The following WDPCP variants were observed in gnomAD, a reference collection of about 807,000 sequenced individuals.
WDPCP encodes WD repeat-containing and planar cell polarity effector protein fritz homolog.
WDPCP carries 71 observed loss-of-function variants against 93.1 expected under a neutral mutation model. The observed-to-expected ratio is 0.76, with a 90% CI of 0.63 to 0.93. The LOEUF is 0.93. Among genes scored for constraint, WDPCP ranks in the 40% least tolerant of loss-of-function variants. The pLI is 0.00. For missense variants in WDPCP, 844 were observed against 887.4 expected (o/e 0.95, Z 0.62); for synonymous variants, 315 against 315.0 (o/e 1.00, Z 0.00).
At chr2:63,466,413 T>C (rs1237143518) in intron 6 of WDPCP, among the ~76,000 whole-genome samples, 1 of 152,172 alleles carries the variant, frequency 6.6e-6, no homozygotes, top group African/African-American at 2.4e-5. Flanking sequence ...ATATAAAACG[T>C]AATATTCTCA....
chr2:63,473,601 C>T (rs923738902), intron 6 of WDPCP, among the ~76,000 whole-genome samples: 4 of 152,166 alleles, frequency 2.6e-5, no homozygotes, highest in Non-Finnish European at 4.4e-5. Flanking sequence ...TCAGGAAAGC[C>T]TGTGGTCTGT....
chr2:63,508,936 G>A (rs1389019348), intron 1 of WDPCP, among the ~76,000 whole-genome samples: 1 of 152,190 alleles, frequency 6.6e-6, no homozygotes, highest in Non-Finnish European at 1.5e-5. Context: ...TATAAAGCAA[G>A]TTCTTAGAGA....
At chr2:63,208,433 T>C (rs1440678378) in intron 14 of WDPCP, among the ~76,000 whole-genome samples, 1 of 152,184 alleles carries the variant, frequency 6.6e-6, no homozygotes, top group Non-Finnish European at 1.5e-5. Flanking sequence ...CCCTTTAATT[T>C]CTACATTCTT....
In WDPCP at chr2:63,382,011, T is replaced by A. The variant is rs754985173; in HGVS notation, c.1519A>T (p.Ile507Phe). ...GTGTCCCAGTTCATGCTGCTCAGGA[T>A]GTTTATTGCCTCATAGATCTCATCA... ...HCDEIYEAIN[I>F]LSSMNWDTLG... is the part of the protein sequence containing the mutation. The change falls in exon 11 of 18, where the codon ATC (isoleucine) becomes TTC (phenylalanine). Residue 507 changes from isoleucine (I) to phenylalanine (F), a missense_variant. Coordinates refer to ENST00000272321, the MANE Select transcript of WDPCP (RefSeq NM_015910.7). 1.2e-6 allele frequency: 2 copies of A among 1,613,570 alleles called. No homozygotes were observed. The highest frequency in any genetic ancestry group is 1.3e-5 in the African/African-American group (1 of 75,040).
At chr2:63,831,774 T>C (rs112828711), upstream of WDPCP, among the ~76,000 whole-genome samples, 8 of 152,264 alleles carry the variant, frequency 5.3e-5, no homozygotes, top group African/African-American at 1.9e-4. Flanking sequence ...TCTTTTTTCA[T>C]TTAAAGAATC....
intron 13 of WDPCP, among the ~76,000 whole-genome samples, chr2:63,299,963 C>T (rs532719049): frequency 1.3e-5 from 2 of 152,106 alleles, no homozygotes; most frequent in Non-Finnish European, 2.9e-5. Flanking sequence ...TCTCTGCCAG[C>T]CACGTGTGCT....
intron 14 of WDPCP, among the ~76,000 whole-genome samples, chr2:63,178,594 CT>C (rs1345077292): frequency 8.6e-5 from 13 of 151,544 alleles, no homozygotes; most frequent in Non-Finnish European, 1.6e-4. Flanking sequence ...AGTCTTCTCT[CT>C]TTTTTTTAAT....
chr2:63,181,072 T>C (rs1025480509), intron 14 of WDPCP, among the ~76,000 whole-genome samples: 3 of 152,094 alleles, frequency 2.0e-5, no homozygotes, highest in Non-Finnish European at 2.9e-5. Context: ...TTTTTGTTGT[T>C]GTTGAGTTGT....
At chr2:63,262,253 G>T (rs1475933495) in intron 13 of WDPCP, among the ~76,000 whole-genome samples, 1 of 151,930 alleles carries the variant, frequency 6.6e-6, no homozygotes, top group Non-Finnish European at 1.5e-5. Flanking sequence ...CAAAAAATAT[G>T]CAATACATTT....
chr2:63,501,051 A>G (rs572124629), intron 1 of WDPCP, among the ~76,000 whole-genome samples: 23 of 152,356 alleles, frequency 1.5e-4, no homozygotes, highest in African/African-American at 4.3e-4. Context: ...TAAATATTAA[A>G]TGTAAGTATT....
At chr2:63,267,092 T>C (rs1682194782) in intron 13 of WDPCP, among the ~76,000 whole-genome samples, 2 of 152,160 alleles carry the variant, frequency 1.3e-5, no homozygotes, top group South Asian at 2.1e-4. Context: ...TATAAAGCTA[T>C]TGAAACAAAA....
intron 15 of WDPCP, among the ~76,000 whole-genome samples, chr2:63,164,526 C>T (rs954271654): frequency 1.3e-5 from 2 of 152,176 alleles, no homozygotes; most frequent in South Asian, 2.1e-4. Context: ...GCTGGCTCCC[C>T]CTTTGCCTTC....
intron 10 of WDPCP, among the ~76,000 whole-genome samples, chr2:63,396,667 T>TA (rs397870760): frequency 1.3e-5 from 2 of 151,706 alleles, no homozygotes; most frequent in African/African-American, 4.8e-5. Context: ...TCTTTTTTTT[T>TA]AACTTTTATT....
intron 14 of WDPCP, among the ~76,000 whole-genome samples, chr2:63,257,611 G>C (rs1681253864): frequency 6.6e-6 from 1 of 152,154 alleles, no homozygotes; most frequent in African/African-American, 2.4e-5. Flanking sequence ...GGAAGTCACA[G>C]GGTATCAGTG....
chr2:63,783,441 T>A (rs1354220915), intron 2 of WDPCP, among the ~76,000 whole-genome samples: 1 of 151,956 alleles, frequency 6.6e-6, no homozygotes, highest in African/African-American at 2.4e-5. Flanking sequence ...TTTTAATAAA[T>A]AAATAATCTT....
At chr2:63,635,331 A>G (rs1709910132) in intron 3 of WDPCP, among the ~76,000 whole-genome samples, 1 of 152,196 alleles carries the variant, frequency 6.6e-6, no homozygotes, top group South Asian at 2.1e-4. Context: ...AAACTCTTCC[A>G]GAAAATTGAA....
At chr2:63,215,507 T>G (rs991350784) in intron 14 of WDPCP, among the ~76,000 whole-genome samples, 8 of 152,214 alleles carry the variant, frequency 5.3e-5, no homozygotes, top group African/African-American at 1.4e-4. Flanking sequence ...GCTAGCCATA[T>G]GTAGAAAGCT....
At chr2:63,835,312 C>T in the WDPCP span, among the ~76,000 whole-genome samples, 1 of 150,048 alleles carries the variant, frequency 6.7e-6, no homozygotes, top group African/African-American at 2.5e-5. Flanking sequence ...ATTGCTTGAA[C>T]CTGGGAGGCA....
upstream of WDPCP, chr2:63,588,697 G>C (rs1007205897): frequency 1.4e-5 from 7 of 483,372 alleles, no homozygotes; most frequent in South Asian, 4.4e-5. Flanking sequence ...GGCTCCATCA[G>C]GCAGGTCCTT....
Sources: gnomAD v4.1 joint callset for allele counts (sites outside exome capture counted in the v4.1 genomes callset) on GRCh38, gnomAD v4.1.1 for gene constraint, MANE v1.5 for transcripts, NCBI Gene and HGNC (gene_info 2026-07-23, HGNC 2026-07-21) for gene names.